The following TRAPPC10 variants were observed in gnomAD, a reference collection of about 807,000 sequenced individuals.
TRAPPC10 encodes trafficking protein particle complex subunit 10.
TRAPPC10 carries 23 observed loss-of-function variants against 125.5 expected under a neutral mutation model. The ratio of observed to expected loss-of-function variants is 0.18; its 90% confidence interval spans 0.13 to 0.26. The LOEUF is 0.26. TRAPPC10 is among the 10% of genes least tolerant of loss of function. TRAPPC10 has a pLI of 1.00. For missense variants in TRAPPC10, 1,123 were observed against 1,308.4 expected (o/e 0.86, Z 2.19); for synonymous variants, 509 against 518.0 (o/e 0.98, Z 0.24).
chr21:44,077,922 T>G, intron 11 of TRAPPC10, 138 bp downstream of exon 11: 1 of 516,344 alleles, frequency 1.9e-6, no homozygotes, highest in Non-Finnish European at 3.1e-6. Context: ...TCCTCATAAT[T>G]TTTTTTTCAG....
chr21:44,065,270 G>T (rs1210018639), intron 7 of TRAPPC10, among the ~76,000 whole-genome samples: 1 of 152,116 alleles, frequency 6.6e-6, no homozygotes, highest in African/African-American at 2.4e-5. Context: ...CCCTTGTAGC[G>T]TCGGGGTTCA....
At chr21:44,051,832 A>G (rs758520680) in intron 3 of TRAPPC10, among the ~76,000 whole-genome samples, 3 of 152,228 alleles carry the variant, frequency 2.0e-5, no homozygotes, top group Non-Finnish European at 4.4e-5. Flanking sequence ...TCCTGTGGGC[A>G]GTCTGGGCTG....
Position 44,059,629 on chromosome 21 carries a change from C to T in TRAPPC10, c.790+415C>T. 1 of 618,760 alleles carries T rather than the reference C, an allele frequency of 1.6e-6. No individual in the cohort carries two copies. The highest frequency in any genetic ancestry group is 2.8e-5 in the East Asian group (1 of 36,174). 38.3% of individuals were successfully genotyped at this position (618,760 alleles called of 1,614,324 possible). A position where few individuals can be genotyped will look rare whatever the true frequency, so the allele number is the denominator to read the frequency against. ...TTATAAAATGCCCTTGGGTGTTCATCTTTCTTTTGCACTTTTAAATAATAT... is the reference window on the plus strand; with the variant it reads ...TTATAAAATGCCCTTGGGTGTTCATTTTTCTTTTGCACTTTTAAATAATAT... On this transcript the variant is annotated intron_variant, in intron 6 of 22. Transcript: ENST00000291574. The surrounding 1 kb of genome is among the most constrained non-coding windows in gnomAD (Gnocchi z 4.4).
At chr21:44,035,748 G>A (rs2033941014) in intron 2 of TRAPPC10, among the ~76,000 whole-genome samples, 1 of 152,160 alleles carries the variant, frequency 6.6e-6, no homozygotes, top group Non-Finnish European at 1.5e-5. Flanking sequence ...TTACACTCCA[G>A]CCTGGGTGAC....
At chr21:44,090,878 C>G (rs776637989) in intron 18 of TRAPPC10, among the ~76,000 whole-genome samples, 8 of 152,192 alleles carry the variant, frequency 5.3e-5, no homozygotes, top group Non-Finnish European at 1.2e-4. Context: ...CATCAATAAT[C>G]TCTAAAAGAA....
Position 44,082,876 on chromosome 21 carries a change from C to T in TRAPPC10, c.1812C>T (p.Gly604=), listed in dbSNP as rs752963812. ...DPSNAVVHVG[G]VLCVEITMYS... ...CCAATGCCGTGGTCCACGTGGGCGG[C>T]GTTTTGTGCGTTGAGATAACCATGT... The change falls in exon 14 of 23, where the codon GGC becomes GGT. Residue 604 remains glycine (G), a synonymous_variant. Coordinates refer to ENST00000291574, the MANE Select transcript of TRAPPC10 (RefSeq NM_003274.5). This position sits in a 1 kb window ranked among gnomAD's most constrained non-coding sequence, Gnocchi z 4.4. The T allele has an allele frequency of 8.1e-6, 13 of 1,613,900 alleles. No homozygotes were observed. Among genetic ancestry groups the T allele is most frequent in the Middle Eastern group, 1.6e-4 (1 of 6,082 alleles).
intron 7 of TRAPPC10, among the ~76,000 whole-genome samples, chr21:44,072,183 G>A (rs181450282): frequency 6.6e-6 from 1 of 152,360 alleles, no homozygotes; most frequent in Non-Finnish European, 1.5e-5. Flanking sequence ...GCCACTGTTG[G>A]CATTTTGGTG....
chr21:44,038,876 A>G, intron 3 of TRAPPC10, among the ~76,000 whole-genome samples: 2 of 152,110 alleles, frequency 1.3e-5, no homozygotes, highest in East Asian at 3.9e-4. Flanking sequence ...CACGGGCTCC[A>G]CACAGCCAGT....
At chr21:44,065,049 T>G (rs2036337360) in intron 7 of TRAPPC10, among the ~76,000 whole-genome samples, 1 of 152,176 alleles carries the variant, frequency 6.6e-6, no homozygotes, top group Non-Finnish European at 1.5e-5. Context: ...TCTGTTCATG[T>G]GTACCTAGGG....
At position 44,040,764 on chromosome 21, in the gene TRAPPC10, G is replaced by A. The variant is rs887768316; in HGVS notation, c.285+2837G>A. On this transcript the variant is annotated intron_variant, in intron 3 of 22. Transcript: ENST00000291574. ...CAGCCTCCCAAGTAGCTGGGACCAC[G>A]CCTGCCTTTTTTTTTTTTTTTTGGT... Among the ~76,000 whole-genome samples, 71 of 138,124 alleles carry A rather than the reference G, an allele frequency of 5.1e-4. 1 individual carries two copies. The highest frequency in any genetic ancestry group is 1.9e-3 in the African/African-American group (60 of 32,160). 90.6% of individuals were successfully genotyped at this position (138,124 alleles called of 152,430 possible). A position where few individuals can be genotyped will look rare whatever the true frequency, so the allele number is the denominator to read the frequency against.
intron 8 of TRAPPC10, 98 bp from the exon 9 acceptor site, chr21:44,074,941 C>G: frequency 2.2e-6 from 2 of 916,714 alleles, no homozygotes; most frequent in Non-Finnish European, 3.3e-6. Context: ...TAAATTTCTT[C>G]TAGAATTTAG....
intron 3 of TRAPPC10, chr21:44,046,457 C>A: frequency 3.7e-6 from 1 of 273,758 alleles, no homozygotes; most frequent in Non-Finnish European, 7.7e-6. Context: ...TCTTCATCTC[C>A]AGGAATAGCA....
intron 11 of TRAPPC10, among the ~76,000 whole-genome samples, chr21:44,078,847 G>A (rs2037470738): frequency 6.6e-6 from 1 of 152,244 alleles, no homozygotes; most frequent in Non-Finnish European, 1.5e-5. Flanking sequence ...GGAGGAGGCT[G>A]AGGCGGGAGG....
At chr21:44,078,246 G>C (rs556824565) in intron 11 of TRAPPC10, among the ~76,000 whole-genome samples, 2 of 152,062 alleles carry the variant, frequency 1.3e-5, no homozygotes, top group Non-Finnish European at 2.9e-5. Context: ...TGTGTACAAA[G>C]ACTGCAGGGT....
At chr21:44,090,728 C>T (rs996736152) in intron 18 of TRAPPC10, among the ~76,000 whole-genome samples, 2 of 152,172 alleles carry the variant, frequency 1.3e-5, no homozygotes, top group Non-Finnish European at 2.9e-5. Context: ...CCTCTCACCA[C>T]AACTTTTTAT....
rs1367045158 is a variant in TRAPPC10, at chr21:44,055,933, C to T, written c.678+40C>T. The T allele has an allele frequency of 2.0e-6, 3 of 1,479,144 alleles. 1 individual carries two copies. Among genetic ancestry groups the T allele is most frequent in the South Asian group, 1.4e-5 (1 of 72,478 alleles). The allele number at this position is 1,479,144 out of a possible 1,614,324, so 91.6% of individuals were successfully genotyped here. A position where few individuals can be genotyped will look rare whatever the true frequency, so the allele number is the denominator to read the frequency against. ...ACAGAACTAGACAGTTCCTTCTCTC[C>T]TTCCCTCCTTTGTTCCCTCCCTCTC... On this transcript the variant is annotated intron_variant, in intron 5 of 22. Coordinates refer to ENST00000291574, the MANE Select transcript of TRAPPC10 (RefSeq NM_003274.5).
intron 5 of TRAPPC10, 71 bp downstream of exon 5, chr21:44,055,964 CT>C: frequency 7.4e-7 from 1 of 1,352,980 alleles, no homozygotes; most frequent in Non-Finnish European, 1.0e-6. Context: ...CTCTCTCCTC[CT>C]TTCTTTCTAA....
rs757091358 is a variant in TRAPPC10, at chr21:44,077,760, G to C, written c.1445G>C (p.Gly482Ala). ...AGGATTCGATCTGCTAAGTTTGTTG[G>C]AAAAGATCTGGCAGAGTTTTACATG... ...IGRIRSAKFV[G>A]KDLAEFYMRK... is the part of the protein sequence containing the mutation. Residue 482 changes from glycine (G) to alanine (A), a missense_variant, in exon 11 of 23, where the codon GGA (glycine) becomes GCA (alanine). This residue lies in a region of TRAPPC10 where 840 missense variants were observed against 902.0 expected (regional missense o/e 0.93). Transcript: ENST00000291574. The C allele has an allele frequency of 1.2e-6, 2 of 1,611,092 alleles. No individual in the cohort carries two copies. The highest frequency in any genetic ancestry group is 1.7e-6 in the Non-Finnish European group (2 of 1,178,056).
In TRAPPC10 at chr21:44,068,881, C is replaced by T. The variant is rs146053021; in HGVS notation, c.1038+5096C>T. 1.5e-3 allele frequency among the ~76,000 whole-genome samples: 225 copies of T among 152,220 alleles called. 2 individuals carry two copies. Among genetic ancestry groups the T allele is most frequent in the African/African-American group, 4.8e-3 (200 of 41,526 alleles). On this transcript the variant is annotated intron_variant, in intron 7 of 22. Coordinates refer to ENST00000291574, the MANE Select transcript of TRAPPC10 (RefSeq NM_003274.5). ...CCTCCCGAAGTGCCAGGATTACAGG[C>T]GTGAGCTATTGCACCCAGCCGGCAG...
Sources: allele counts gnomAD v4.1 joint callset (sites outside exome capture counted in the v4.1 genomes callset), GRCh38; gene constraint gnomAD v4.1.1; regional missense constraint gnomAD v4.1.1; non-coding constraint Gnocchi (gnomAD v3.1); transcripts MANE v1.5; gene names NCBI Gene and HGNC (gene_info 2026-07-23, HGNC 2026-07-21).